KHDRBS2: variants seen among roughly 807,000 people sequenced by gnomAD.
The protein encoded by KHDRBS2 is KH RNA binding domain containing, signal transduction associated 2, also known as KH domain-containing, RNA-binding, signal transduction-associated protein 2.
KHDRBS2 carries 26 observed loss-of-function variants against 44.3 expected under a neutral mutation model. That is an observed-to-expected ratio of 0.59 (90% confidence interval 0.43 to 0.81). The LOEUF is 0.81. KHDRBS2 is among the 40% of genes least tolerant of loss of function. The probability of loss-of-function intolerance (pLI) is 0.00; values close to 1 mark genes in which losing one functional copy is unlikely to be tolerated. For missense variants in KHDRBS2, 476 were observed against 433.1 expected (o/e 1.10, Z -0.88); for synonymous variants, 194 against 151.1 (o/e 1.28, Z -2.08).
chr6:61,779,675 A>G (rs1782634492), intron 6 of KHDRBS2, among the ~76,000 whole-genome samples: 1 of 149,034 alleles, frequency 6.7e-6, no homozygotes, highest in Admixed American at 6.7e-5. Flanking sequence ...ATGACGTGTT[A>G]TAATTAAATT....
chr6:61,883,763 A>G (rs1175034098), intron 6 of KHDRBS2, among the ~76,000 whole-genome samples: 1 of 152,050 alleles, frequency 6.6e-6, no homozygotes, highest in East Asian at 1.9e-4. Context: ...TTAACCTTGC[A>G]TGTTTTAGTT....
intron 2 of KHDRBS2, among the ~76,000 whole-genome samples, chr6:62,066,198 A>C (rs1793680176): frequency 6.6e-6 from 1 of 151,768 alleles, no homozygotes; most frequent in Non-Finnish European, 1.5e-5. Context: ...CTACAGCTCA[A>C]AAGCAAACCC....
intron 4 of KHDRBS2, among the ~76,000 whole-genome samples, chr6:61,953,476 A>C (rs1765202522): frequency 2.0e-5 from 3 of 152,048 alleles, no homozygotes. Context: ...GAAAAAGGTA[A>C]ATTGAAATTT....
intron 6 of KHDRBS2, among the ~76,000 whole-genome samples, chr6:61,869,714 G>A (rs541445376): frequency 2.0e-5 from 3 of 152,222 alleles, no homozygotes; most frequent in African/African-American, 4.8e-5. Context: ...AGGGTGAGCC[G>A]AAGCAGGGTG....
chr6:61,578,098 T>A, the KHDRBS2 span, among the ~76,000 whole-genome samples: 18 of 152,090 alleles, frequency 1.2e-4, no homozygotes, highest in African/African-American at 4.3e-4. Context: ...AAAGGCTGAA[T>A]GTTAAACGTC....
intron 8 of KHDRBS2, among the ~76,000 whole-genome samples, chr6:61,682,351 A>T (rs1009787225): frequency 6.6e-6 from 1 of 151,898 alleles, no homozygotes; most frequent in African/African-American, 2.4e-5. Flanking sequence ...ATACCTGATA[A>T]TAAATAAAAA....
At chr6:62,183,533 G>A (rs1822788546) in intron 1 of KHDRBS2, among the ~76,000 whole-genome samples, 1 of 151,480 alleles carries the variant, frequency 6.6e-6, no homozygotes, top group African/African-American at 2.4e-5. Context: ...TAAAAATAAA[G>A]AGAAGAGACA....
At chr6:61,890,685 A>T (rs1460368405) in intron 6 of KHDRBS2, among the ~76,000 whole-genome samples, 1 of 152,182 alleles carries the variant, frequency 6.6e-6, no homozygotes, top group Non-Finnish European at 1.5e-5. Context: ...AAGTGATCCT[A>T]CCACCCTTGT....
the KHDRBS2 span, among the ~76,000 whole-genome samples, chr6:61,672,763 T>G: frequency 6.6e-6 from 1 of 150,684 alleles, no homozygotes; most frequent in Non-Finnish European, 1.5e-5. Context: ...GTCAGATGAG[T>G]AGGTTGCGAA....
At chr6:61,574,502 T>C in the KHDRBS2 span, 4 of 1,047,004 alleles carry the variant, frequency 3.8e-6, no homozygotes, top group Non-Finnish European at 5.3e-6. Flanking sequence ...CATTAAAAAT[T>C]TCGGCTGGGG....
At chr6:61,858,378 A>G (rs1796446520) in intron 6 of KHDRBS2, among the ~76,000 whole-genome samples, 1 of 151,924 alleles carries the variant, frequency 6.6e-6, no homozygotes, top group African/African-American at 2.4e-5. Context: ...TTACCAAGTA[A>G]GCAAATTAAA....
intron 1 of KHDRBS2, among the ~76,000 whole-genome samples, chr6:62,223,324 CAGCT>C (rs1831210616): frequency 6.6e-6 from 1 of 152,182 alleles, no homozygotes; most frequent in Non-Finnish European, 1.5e-5. Flanking sequence ...ACAGCTGGAG[CAGCT>C]AGGAAGCAGG....
At chr6:61,964,863 C>A (rs1477159601) in intron 4 of KHDRBS2, among the ~76,000 whole-genome samples, 1 of 151,992 alleles carries the variant, frequency 6.6e-6, no homozygotes. Flanking sequence ...TACAGTCTAC[C>A]AACAGGATAA....
intron 6 of KHDRBS2, among the ~76,000 whole-genome samples, chr6:61,767,228 T>C (rs558986652): frequency 1.3e-5 from 2 of 152,198 alleles, no homozygotes; most frequent in Admixed American, 1.3e-4. Context: ...TCTTTTATAG[T>C]TATTGTCTTG....
At chr6:62,060,590 GGTCTCTCTCTCTCTCTCT>G (rs1447070987) in intron 2 of KHDRBS2, among the ~76,000 whole-genome samples, 3 of 144,150 alleles carry the variant, frequency 2.1e-5, no homozygotes, top group Middle Eastern at 3.6e-3. Context: ...AAATAGTAAA[GGTCTCTCTCTCTCTCTCT>G]GTCTCTCTCT....
chr6:62,046,621 G>GTAAT (rs1482003697), intron 3 of KHDRBS2, among the ~76,000 whole-genome samples: 2 of 151,860 alleles, frequency 1.3e-5, no homozygotes, highest in Non-Finnish European at 2.9e-5. Context: ...ACAGACATAG[G>GTAAT]TAATTATGTG....
chr6:62,076,781 C>A (rs187172042), intron 2 of KHDRBS2, among the ~76,000 whole-genome samples: 5 of 152,078 alleles, frequency 3.3e-5, no homozygotes, highest in African/African-American at 9.6e-5. Flanking sequence ...ATAGCTCACA[C>A]CTGTAATCCC....
At chr6:61,736,826 G>A (rs1422166692) in intron 6 of KHDRBS2, among the ~76,000 whole-genome samples, 3 of 151,888 alleles carry the variant, frequency 2.0e-5, no homozygotes, top group African/African-American at 4.8e-5. Flanking sequence ...TTAGTTCCCC[G>A]AATTCCAATA....
the KHDRBS2 span, among the ~76,000 whole-genome samples, chr6:61,575,699 A>G: frequency 2.0e-5 from 3 of 152,222 alleles, no homozygotes; most frequent in Non-Finnish European, 4.4e-5. Context: ...ATATGGAACC[A>G]GCCTAAATGC....
Sources: allele counts gnomAD v4.1 joint callset (sites outside exome capture counted in the v4.1 genomes callset), GRCh38; gene constraint gnomAD v4.1.1; transcripts MANE v1.5; gene names NCBI Gene and HGNC (gene_info 2026-07-23, HGNC 2026-07-21).